The following KIRREL3 variants were observed in gnomAD, a reference collection of about 807,000 sequenced individuals.
KIRREL3 encodes the protein kirre like nephrin family adhesion molecule 3.
Under a neutral mutation model 89.7 loss-of-function variants are expected in KIRREL3, and 36 were observed. The ratio of observed to expected loss-of-function variants is 0.40; its 90% CI spans 0.31 to 0.53. The LOEUF (loss-of-function observed/expected upper bound fraction) is 0.53, where lower values mean the gene tolerates loss of function less well. Among genes scored for constraint, KIRREL3 ranks in the 20% least tolerant of loss-of-function variants. The pLI, the probability that KIRREL3 is intolerant of heterozygous loss-of-function variation, is 0.49. For synonymous variants in KIRREL3, 445 were observed against 441.4 expected (o/e 1.01, Z -0.10); for missense variants, 864 against 1,056.6 (o/e 0.82, Z 2.53).
chr11:126,721,178 A>G (rs1465190134), intron 1 of KIRREL3, among the ~76,000 whole-genome samples: 1 of 152,124 alleles, frequency 6.6e-6, no homozygotes, highest in Non-Finnish European at 1.5e-5. Flanking sequence ...ATTCGCTTTG[A>G]CTGTGGGGAT....
intron 7 of KIRREL3, among the ~76,000 whole-genome samples, chr11:126,452,503 C>CGGGCTGGG (rs1222516988): frequency 6.6e-6 from 1 of 152,190 alleles, no homozygotes; most frequent in East Asian, 1.9e-4. Flanking sequence ...CTGTGGGTGC[C>CGGGCTGGG]GGGCTGGGGC....
In KIRREL3 at chr11:126,969,646, G is replaced by C. The variant is rs879901497; in HGVS notation, c.55+30809C>G. 1.3e-5 allele frequency among the ~76,000 whole-genome samples: 2 copies of C among 152,188 alleles called. No individual in the cohort carries two copies. Among genetic ancestry groups the C allele is most frequent in the African/African-American group, 2.4e-5 (1 of 41,442 alleles). On this transcript the variant is annotated intron_variant, in intron 1 of 16. Coordinates refer to ENST00000525144, the MANE Select transcript of KIRREL3 (RefSeq NM_032531.4). The surrounding 1 kb of genome is among the most constrained non-coding windows in gnomAD (Gnocchi z 4.9). ...ATAAGGCAGGAAAGACCTGTGAGAA[G>C]TGAAAAGGCTCGGGTGAACTGTGAT...
Position 126,605,059 on chromosome 11 carries a change from GAC to G in KIRREL3, c.56-42149_56-42148del, listed in dbSNP as rs1942830162. 6.6e-6 allele frequency among the ~76,000 whole-genome samples: 1 copy of G among 152,246 alleles called. No individual in the cohort carries two copies. The highest frequency in any genetic ancestry group is 2.1e-4 in the South Asian group (1 of 4,832). ...ACCTCAACAAAGACCCATAATCACA[GAC>G]AATGCATCGAGCCTGGTGAGGGTGT... On this transcript the variant is annotated intron_variant, in intron 1 of 16. Transcript: ENST00000525144. This position sits in a 1 kb window ranked among gnomAD's most constrained non-coding sequence, Gnocchi z 5.7.
rs75135972 is a variant in KIRREL3 at position 126,787,992 on chromosome 11, C to T, written c.55+212463G>A. 9.2e-5 allele frequency among the ~76,000 whole-genome samples: 14 copies of T among 152,314 alleles called. No individual in the cohort carries two copies. In the East Asian group the frequency reaches 1.9e-3, roughly 21 times the overall value. The stretch of plus-strand genomic sequence containing the variant: ...GATGTAGCTTCTATTATCATCATCA[C>T]CCCCATTTTACAGGCAGGGAAGCTG... On this transcript the variant is annotated intron_variant, in intron 1 of 16. Coordinates refer to ENST00000525144, the MANE Select transcript of KIRREL3 (RefSeq NM_032531.4).
intron 9 of KIRREL3, among the ~76,000 whole-genome samples, 158 bp downstream of exon 9, chr11:126,446,601 G>A (rs1337644051): frequency 2.0e-5 from 3 of 152,208 alleles, no homozygotes; most frequent in Non-Finnish European, 4.4e-5. Context: ...GGGTGCCTGG[G>A]TTCCCCCTCC....
At position 126,957,485 on chromosome 11, in the gene KIRREL3, G is replaced by T. The variant is rs534757073; in HGVS notation, c.55+42970C>A. On this transcript the variant is annotated intron_variant, in intron 1 of 16. Coordinates refer to ENST00000525144, the MANE Select transcript of KIRREL3 (RefSeq NM_032531.4). ...CAAAAGGCTTGTCAAAGGCTGCCAC[G>T]GGAAGGTGAGAGCTCAGATCCATCC... 7.2e-5 allele frequency among the ~76,000 whole-genome samples: 11 copies of T among 152,264 alleles called. No homozygotes were observed. The South Asian group carries it at 1.5e-3, about 20-fold the overall frequency.
rs1419788379 is a variant in KIRREL3, at chr11:126,645,786, A to G, written c.56-82874T>C. Among the ~76,000 whole-genome samples, 1 of 152,170 alleles carries G rather than the reference A, an allele frequency of 6.6e-6. No homozygotes were observed. The highest frequency in any genetic ancestry group is 1.5e-5 in the Non-Finnish European group (1 of 68,034). On this transcript the variant is annotated intron_variant, in intron 1 of 16. Transcript: ENST00000525144. The surrounding 1 kb of genome is among the most constrained non-coding windows in gnomAD (Gnocchi z 4.9). The stretch of plus-strand genomic sequence containing the variant: ...CCTATGCTTTGGACCACATTTAATT[A>G]AATGCCTACATTACTGCTTCCTCAC...
At chr11:126,600,120 A>G (rs1362436042) in intron 1 of KIRREL3, among the ~76,000 whole-genome samples, 4 of 152,196 alleles carry the variant, frequency 2.6e-5, no homozygotes, top group Non-Finnish European at 4.4e-5. Context: ...TGATGAAGAA[A>G]GCTGCTATAT....
chr11:126,726,105 C>T (rs1948368826), intron 1 of KIRREL3, among the ~76,000 whole-genome samples: 2 of 152,272 alleles, frequency 1.3e-5, no homozygotes, highest in East Asian at 1.9e-4. Context: ...TTCTAACCCC[C>T]TGTGTCCCGA....
chr11:126,681,680 C>T (rs76313656), intron 1 of KIRREL3: 21,291 of 333,718 alleles, frequency 0.064, 708 homozygotes, highest in Non-Finnish European at 0.068. Flanking sequence ...ATTGTTGTCA[C>T]TGGAGTTGGC....
Position 126,607,097 on chromosome 11 carries a change from T to C in KIRREL3, c.56-44185A>G, listed in dbSNP as rs1942921362. Among the ~76,000 whole-genome samples, 1 of 152,160 alleles carries C rather than the reference T, an allele frequency of 6.6e-6. No homozygotes were observed. The highest frequency in any genetic ancestry group is 2.4e-5 in the African/African-American group (1 of 41,450). ...GGCAGCCAAGAACCAACCACAGGGC[T>C]TGTCGTGGGGCTTATGAGTAGCTAG... On this transcript the variant is annotated intron_variant, in intron 1 of 16. Transcript: ENST00000525144. This position sits in a 1 kb window ranked among gnomAD's most constrained non-coding sequence, Gnocchi z 6.6.
Position 126,797,472 on chromosome 11 carries a change from A to G in KIRREL3, c.55+202983T>C, listed in dbSNP as rs1266790968. Among the ~76,000 whole-genome samples the G allele has an allele frequency of 6.6e-6, 1 of 152,100 alleles. No individual in the cohort carries two copies. The highest frequency in any genetic ancestry group is 1.5e-5 in the Non-Finnish European group (1 of 68,018). ...ACTTCTGCTTGCAGAAGCCCGATTC[A>G]TCTGTTACCTGGGAAGCTAAACTGT... On this transcript the variant is annotated intron_variant, in intron 1 of 16. Transcript: ENST00000525144. This position sits in a 1 kb window ranked among gnomAD's most constrained non-coding sequence, Gnocchi z 4.9.
intron 2 of KIRREL3, among the ~76,000 whole-genome samples, chr11:126,542,737 T>C (rs1328966045): frequency 6.6e-6 from 1 of 152,140 alleles, no homozygotes; most frequent in African/African-American, 2.4e-5. Flanking sequence ...CTTATGCAAA[T>C]AAGAGTAAAA....
At position 126,632,443 on chromosome 11, in the gene KIRREL3, G is replaced by T. The variant is rs147720916; in HGVS notation, c.56-69531C>A. Among the ~76,000 whole-genome samples, 334 of 152,304 alleles carry T rather than the reference G, an allele frequency of 2.2e-3. 2 individuals are homozygous for T. Among genetic ancestry groups the T allele is most frequent in the Middle Eastern group, 0.014 (4 of 294 alleles). Reference sequence around the variant, plus strand: ...CCACACATGAGATTATTAATTCATTGTTCAATTAAGTTATGATCTCTAAAA... The same window carrying T: ...CCACACATGAGATTATTAATTCATTTTTCAATTAAGTTATGATCTCTAAAA... On this transcript the variant is annotated intron_variant, in intron 1 of 16. Coordinates refer to ENST00000525144, the MANE Select transcript of KIRREL3 (RefSeq NM_032531.4).
At position 126,989,474 on chromosome 11, in the gene KIRREL3, A is replaced by C. The variant is rs553784336; in HGVS notation, c.55+10981T>G. 4.9e-4 allele frequency among the ~76,000 whole-genome samples: 74 copies of C among 152,234 alleles called. 1 individual carries two copies. The South Asian group carries it at 0.015, about 32-fold the overall frequency. On this transcript the variant is annotated intron_variant, in intron 1 of 16. Transcript: ENST00000525144. The surrounding 1 kb of genome is among the most constrained non-coding windows in gnomAD (Gnocchi z 6.2). ...CAGCAACTTCAGAAAAACTGAATGA[A>C]AGGCCAAAGGTAACATAAACCGCCA...
chr11:126,494,861 C>T (rs1202176295), intron 4 of KIRREL3, among the ~76,000 whole-genome samples: 2 of 152,230 alleles, frequency 1.3e-5, no homozygotes, highest in African/African-American at 2.4e-5. Context: ...GCAGCCACTA[C>T]CGAGCTCATC....
Position 126,429,033 on chromosome 11 carries a change from G to A in KIRREL3, c.1806+146C>T. 6.5e-6 allele frequency: 4 copies of A among 614,418 alleles called. No individual in the cohort carries two copies. Among genetic ancestry groups the A allele is most frequent in the South Asian group, 3.9e-5 (2 of 51,710 alleles). 38.1% of individuals were successfully genotyped at this position (614,418 alleles called of 1,614,324 possible). ...ACTCACATTTGTTGGCTGAGAGTGTGTGCCTCACCTATTGTGGGGTGGGCA... is the reference window on the plus strand; with the variant it reads ...ACTCACATTTGTTGGCTGAGAGTGTATGCCTCACCTATTGTGGGGTGGGCA... On this transcript the variant is annotated intron_variant, in intron 15 of 16. Coordinates refer to ENST00000525144, the MANE Select transcript of KIRREL3 (RefSeq NM_032531.4). This position sits in a 1 kb window ranked among gnomAD's most constrained non-coding sequence, Gnocchi z 5.2.
rs1947427478 is a variant in KIRREL3 at position 126,704,229 on chromosome 11, T to G, written c.56-141317A>C. Among the ~76,000 whole-genome samples the G allele has an allele frequency of 6.6e-6, 1 of 152,300 alleles. No individual in the cohort carries two copies. Among genetic ancestry groups the G allele is most frequent in the East Asian group, 1.9e-4 (1 of 5,180 alleles). On this transcript the variant is annotated intron_variant, in intron 1 of 16. Coordinates refer to ENST00000525144, the MANE Select transcript of KIRREL3 (RefSeq NM_032531.4). This position sits in a 1 kb window ranked among gnomAD's most constrained non-coding sequence, Gnocchi z 4.2. The stretch of plus-strand genomic sequence containing the variant: ...ACATGTATTTACACAGCACACACAT[T>G]TGCATCATATCTGTTCATGTGCATG...
At chr11:126,632,330 T>A (rs1944065043) in intron 1 of KIRREL3, among the ~76,000 whole-genome samples, 1 of 152,192 alleles carries the variant, frequency 6.6e-6, no homozygotes, top group South Asian at 2.1e-4. Context: ...TTTGTGTATG[T>A]CTTGCTTCAC....
Sources: gnomAD v4.1 joint callset for allele counts (sites outside exome capture counted in the v4.1 genomes callset) on GRCh38, gnomAD v4.1.1 for gene constraint, Gnocchi (gnomAD v3.1) non-coding constraint, MANE v1.5 for transcripts, NCBI Gene and HGNC (gene_info 2026-07-23, HGNC 2026-07-21) for gene names.